The following DOCK11 variants were observed in gnomAD, a reference collection of about 807,000 sequenced individuals.
DOCK11 encodes dedicator of cytokinesis protein 11.
DOCK11 carries 70 observed loss-of-function variants against 169.1 expected under a neutral mutation model. The observed-to-expected ratio is 0.41, with a 90% CI of 0.34 to 0.51. The LOEUF (loss-of-function observed/expected upper bound fraction) is 0.51, where lower values mean the gene tolerates loss of function less well. DOCK11 is among the 20% of genes least tolerant of loss of function. The pLI is 0.10. For missense variants in DOCK11, 1,166 were observed against 1,538.8 expected (o/e 0.76, Z 4.05); for synonymous variants, 529 against 541.3 (o/e 0.98, Z 0.32).
At chrX:118,679,521 T>C (rs1450935673) in intron 48 of DOCK11, among the ~76,000 whole-genome samples, 1 of 111,459 alleles carries the variant, frequency 9.0e-6, no homozygotes, top group Non-Finnish European at 1.9e-5. Flanking sequence ...GAGGATCACT[T>C]GTGCCCAGGA....
At chrX:118,533,447 CT>C (rs1423067768) in intron 1 of DOCK11, among the ~76,000 whole-genome samples, 2 of 112,055 alleles carry the variant, frequency 1.8e-5, no homozygotes, top group African/African-American at 6.5e-5. Context: ...ATTTTTGCCC[CT>C]ATCAAGGTTG....
chrX:118,610,559 C>A, intron 28 of DOCK11, 141 bp downstream of exon 28: 1 of 610,112 alleles, frequency 1.6e-6, no homozygotes, highest in Non-Finnish European at 2.5e-6. Context: ...CAAACGTTGG[C>A]TATTGTGAAC....
chrX:118,614,606 T>C, intron 28 of DOCK11, 86 bp from the exon 29 acceptor site: 1 of 692,889 alleles, frequency 1.4e-6, no homozygotes, highest in African/African-American at 2.2e-5. Flanking sequence ...GTGGAACCAA[T>C]TTTGAATTTT....
intron 34 of DOCK11, among the ~76,000 whole-genome samples, chrX:118,629,553 A>G (rs375919905): frequency 1.8e-5 from 2 of 112,225 alleles, no homozygotes; most frequent in East Asian, 5.5e-4. Flanking sequence ...TCATTAAATA[A>G]TAGGAACACA....
In DOCK11 at chrX:118,566,084, A is replaced by G. The variant is rs150521474; in HGVS notation, c.773A>G (p.Gln258Arg). The G allele has an allele frequency of 3.6e-5, 44 of 1,207,158 alleles. No individual in the cohort carries two copies. The African/African-American group carries it at 5.9e-4, about 16-fold the overall frequency. Reference sequence around the variant, plus strand: ...CATTATCTGGCTGCTGAAACTGAGCAGGAAATGGAGGAATGGTTGATAACT... The same window carrying G: ...CATTATCTGGCTGCTGAAACTGAGCGGGAAATGGAGGAATGGTTGATAACT... ...YSHYLAAETE[Q>R]EMEEWLITLK... Residue 258 changes from glutamine to arginine, a missense_variant, in exon 8 of 53, where the codon CAG (glutamine) becomes CGG (arginine). Physicochemically the swap from Gln to Arg is conservative, Grantham distance 43. Coordinates refer to ENST00000276202, the MANE Select transcript of DOCK11 (RefSeq NM_144658.4).
At chrX:118,653,027 G>A (rs1383479612) in intron 42 of DOCK11, among the ~76,000 whole-genome samples, 3 of 111,951 alleles carry the variant, frequency 2.7e-5, no homozygotes, top group Non-Finnish European at 3.8e-5. Flanking sequence ...TACTAGTTCC[G>A]CAGGGGATCA....
Position 118,624,672 on chromosome X carries a change from T to C in DOCK11, c.3588+17T>C. ...CCTAATTCTGTAAGTAGTAATGTGT[T>C]TCTGTTGGAGTTTTATCCTATTTTA... On this transcript the variant is annotated intron_variant, in intron 32 of 52. Transcript: ENST00000276202. The C allele has an allele frequency of 9.1e-7, 1 of 1,101,091 alleles. No homozygotes were observed. Among genetic ancestry groups the C allele is most frequent in the Non-Finnish European group, 1.3e-6 (1 of 799,067 alleles). 90.7% of individuals were successfully genotyped at this position (1,101,091 alleles called of 1,213,427 possible).
At chrX:118,610,478 GA>G in intron 28 of DOCK11, 60 bp downstream of exon 28, 3 of 1,155,479 alleles carry the variant, frequency 2.6e-6, no homozygotes, top group Non-Finnish European at 2.3e-6. Context: ...GGAAGCCCAA[GA>G]AAAAAATTAA....
Position 118,501,843 on chromosome X carries a change from A to G in DOCK11, c.102+5770A>G, listed in dbSNP as rs191731197. 7.8e-3 allele frequency among the ~76,000 whole-genome samples: 872 copies of G among 111,807 alleles called. 3 individuals are homozygous for G. The highest frequency in any genetic ancestry group is 0.013 in the Non-Finnish European group (706 of 53,116). On this transcript the variant is annotated intron_variant, in intron 1 of 52. Coordinates refer to ENST00000276202, the MANE Select transcript of DOCK11 (RefSeq NM_144658.4). ...GTGTTCATTTCCCCTCTCCCATGCC[A>G]ACGCTTGTTAGTAATATTTTAAAAA...
At chrX:118,565,938 AACT>A in intron 7 of DOCK11, 64 bp from the exon 8 acceptor site, 1 of 1,041,685 alleles carries the variant, frequency 9.6e-7, no homozygotes, top group Non-Finnish European at 1.3e-6. Flanking sequence ...AATAAATATA[AACT>A]AATGAAATCT....
At chrX:118,539,314 G>A (rs775425685) in intron 1 of DOCK11, among the ~76,000 whole-genome samples, 2 of 111,735 alleles carry the variant, frequency 1.8e-5, no homozygotes, top group Non-Finnish European at 3.8e-5. Flanking sequence ...AGAACATTAC[G>A]CTAAGTGAAG....
chrX:118,543,377 A>G, intron 3 of DOCK11, 134 bp from the exon 4 acceptor site: 2 of 480,414 alleles, frequency 4.2e-6, no homozygotes, highest in Non-Finnish European at 7.0e-6. Context: ...CAGTTAACCC[A>G]TAAAGGAAGA....
intron 28 of DOCK11, among the ~76,000 whole-genome samples, chrX:118,611,938 G>T (rs1438990175): frequency 2.7e-5 from 3 of 111,501 alleles, no homozygotes; most frequent in Non-Finnish European, 5.7e-5. Flanking sequence ...AGAGACAGGG[G>T]TTTGCCATGT....
intron 7 of DOCK11, among the ~76,000 whole-genome samples, chrX:118,565,047 C>T (rs1221543922): frequency 9.0e-6 from 1 of 110,572 alleles, no homozygotes; most frequent in African/African-American, 3.3e-5. Context: ...GTGATCCTCC[C>T]ACCTCAGCCC....
intron 6 of DOCK11, among the ~76,000 whole-genome samples, chrX:118,548,137 G>T (rs2012354399): frequency 8.9e-6 from 1 of 112,267 alleles, no homozygotes; most frequent in Non-Finnish European, 1.9e-5. Context: ...CAAAAATCTG[G>T]ATTCATAAAA....
intron 6 of DOCK11, among the ~76,000 whole-genome samples, chrX:118,551,298 C>T (rs935139362): frequency 9.8e-5 from 11 of 112,513 alleles, no homozygotes; most frequent in Non-Finnish European, 2.1e-4. Context: ...TGACACTGGC[C>T]TGCAGTTCCC....
rs749693936 is a variant in DOCK11, at chrX:118,615,350, A to G, written c.3181-250A>G. 3.6e-5 allele frequency among the ~76,000 whole-genome samples: 4 copies of G among 112,194 alleles called. No homozygotes were observed. In the South Asian group the frequency reaches 1.5e-3, roughly 41 times the overall value. Reference sequence around the variant, plus strand: ...GTACAAATAGTCTAAGCAGGCTGACACAGAAGGTGCAACTTAACATGTAGG... The same window carrying G: ...GTACAAATAGTCTAAGCAGGCTGACGCAGAAGGTGCAACTTAACATGTAGG... On this transcript the variant is annotated intron_variant, in intron 29 of 52. Transcript: ENST00000276202.
chrX:118,523,896 A>G (rs1281532300), intron 1 of DOCK11, among the ~76,000 whole-genome samples: 1 of 111,247 alleles, frequency 9.0e-6, no homozygotes, highest in Non-Finnish European at 1.9e-5. Flanking sequence ...TCCGAGATGG[A>G]ACTGAACTTG....
At chrX:118,681,311 A>G (rs2016737889) in intron 50 of DOCK11, 63 bp downstream of exon 50, 1 of 1,013,034 alleles carries the variant, frequency 9.9e-7, no homozygotes, top group African/African-American at 1.9e-5. Flanking sequence ...TTATAAGGGC[A>G]CAGAGCAAGC....
Sources: allele counts gnomAD v4.1 joint callset (sites outside exome capture counted in the v4.1 genomes callset), GRCh38; gene constraint gnomAD v4.1.1; transcripts MANE v1.5; gene names NCBI Gene and HGNC (gene_info 2026-07-23, HGNC 2026-07-21).